PCP4: variants seen among roughly 807,000 people sequenced by gnomAD.
PCP4 encodes the protein Purkinje cell protein 4, also known as calmodulin regulator protein PCP4.
PCP4 carries 8 observed loss-of-function variants against 10.0 expected under a neutral mutation model. The observed-to-expected ratio is 0.80, with a 90% CI of 0.47 to 1.45. The LOEUF (loss-of-function observed/expected upper bound fraction) is 1.45, where lower values mean the gene tolerates loss of function less well. Ranked by LOEUF, PCP4 falls within the 40% of genes most tolerant of loss-of-function variation. PCP4 has a pLI of 0.00. For synonymous variants in PCP4, 21 were observed against 23.0 expected, an observed-to-expected ratio of 0.91 and a Z score of 0.24; for missense variants, 54 against 74.4, an observed-to-expected ratio of 0.73 and a Z score of 1.01.
chr21:39,912,085 A>G (rs1403597163), intron 2 of PCP4, among the ~76,000 whole-genome samples: 1 of 152,214 alleles, frequency 6.6e-6, no homozygotes, highest in Non-Finnish European at 1.5e-5. Flanking sequence ...TGCAATCTCT[A>G]ATAGACTGAT....
At position 39,906,058 on chromosome 21, in the gene PCP4, C is replaced by A. The variant is rs1218211678; in HGVS notation, c.61+7531C>A. Among the ~76,000 whole-genome samples, 1 of 152,122 alleles carries A rather than the reference C, an allele frequency of 6.6e-6. No homozygotes were observed. The highest frequency in any genetic ancestry group is 1.5e-5 in the Non-Finnish European group (1 of 68,012). ...GAGCGAGACTCCGTCTCAAAATGCT[C>A]CCCCATGCTGTCTTCCCTTTGATGT... On this transcript the variant is annotated intron_variant, in intron 2 of 2. Transcript: ENST00000328619. The surrounding 1 kb of genome is among the most constrained non-coding windows in gnomAD (Gnocchi z 6.3).
intron 1 of PCP4, among the ~76,000 whole-genome samples, chr21:39,867,999 A>G (rs1423892847): frequency 6.6e-6 from 1 of 152,222 alleles, no homozygotes; most frequent in Non-Finnish European, 1.5e-5. Flanking sequence ...TCAGAGCACC[A>G]GGGAAAGAAA....
At chr21:39,916,528 A>G (rs7276594) in intron 2 of PCP4, among the ~76,000 whole-genome samples, 139,014 of 152,138 alleles carry the variant, frequency 0.91, 63,774 homozygotes, top group African/African-American at 0.98. Flanking sequence ...CTCAACCATT[A>G]TTCAACCATT....
intron 1 of PCP4, among the ~76,000 whole-genome samples, chr21:39,869,575 C>G (rs530931647): frequency 6.6e-6 from 1 of 152,340 alleles, no homozygotes; most frequent in South Asian, 2.1e-4. Flanking sequence ...TCTTCTCCCC[C>G]TCACATCACA....
chr21:39,927,878 C>T (rs1437206363), intron 2 of PCP4, among the ~76,000 whole-genome samples: 1 of 152,130 alleles, frequency 6.6e-6, no homozygotes, highest in Non-Finnish European at 1.5e-5. Context: ...ATCCATCTTG[C>T]TCTTAGGAGC....
chr21:39,913,071 A>G (rs954603726), intron 2 of PCP4, among the ~76,000 whole-genome samples: 42 of 152,314 alleles, frequency 2.8e-4, no homozygotes, highest in African/African-American at 8.9e-4. Context: ...TACTTAGTCT[A>G]GAATGCCACA....
At chr21:39,919,879 C>T (rs188279297) in intron 2 of PCP4, among the ~76,000 whole-genome samples, 7 of 136,270 alleles carry the variant, frequency 5.1e-5, no homozygotes, top group South Asian at 2.5e-4. Flanking sequence ...TGTATGAGTG[C>T]GTGTGGTGAG....
chr21:39,927,148 C>A (rs1338327119), intron 2 of PCP4, among the ~76,000 whole-genome samples: 1 of 152,120 alleles, frequency 6.6e-6, no homozygotes, highest in Non-Finnish European at 1.5e-5. Flanking sequence ...TGATTAGGAT[C>A]TAGGAAAATT....
intron 1 of PCP4, among the ~76,000 whole-genome samples, chr21:39,880,155 T>TATCTA (rs2087367271): frequency 7.0e-6 from 1 of 142,098 alleles, no homozygotes; most frequent in African/African-American, 3.1e-5. Context: ...TCTATATCTA[T>TATCTA]ATCTATATCT....
intron 2 of PCP4, among the ~76,000 whole-genome samples, chr21:39,907,847 C>A (rs2087520325): frequency 6.6e-6 from 1 of 152,032 alleles, no homozygotes; most frequent in East Asian, 1.9e-4. Context: ...ACTTTCCCAG[C>A]CAAAACTACA....
intron 2 of PCP4, among the ~76,000 whole-genome samples, chr21:39,924,833 C>T (rs1400280645): frequency 6.6e-6 from 1 of 152,230 alleles, no homozygotes; most frequent in Non-Finnish European, 1.5e-5. Flanking sequence ...CCACACCTGG[C>T]CCCGGGTTTT....
intron 1 of PCP4, among the ~76,000 whole-genome samples, chr21:39,887,358 T>A (rs1220860879): frequency 1.1e-5 from 1 of 89,782 alleles, no homozygotes. Flanking sequence ...GTTTTTTGGT[T>A]TTTTTTTTTT....
intron 2 of PCP4, among the ~76,000 whole-genome samples, chr21:39,905,111 A>G (rs1016206059): frequency 7.9e-5 from 12 of 152,224 alleles, no homozygotes; most frequent in African/African-American, 1.2e-4. Context: ...AATCCACCAT[A>G]GTGAGAGATA....
chr21:39,911,679 A>G (rs1450178192), intron 2 of PCP4, among the ~76,000 whole-genome samples: 6 of 152,242 alleles, frequency 3.9e-5, no homozygotes, highest in African/African-American at 1.4e-4. Context: ...CCCCATGGCA[A>G]TGGGATACTG....
intron 2 of PCP4, among the ~76,000 whole-genome samples, chr21:39,915,060 A>G (rs529916867): frequency 1.3e-5 from 2 of 152,278 alleles, no homozygotes; most frequent in African/African-American, 2.4e-5. Context: ...GCTCACATCA[A>G]TTTCCTGTGT....
chr21:39,878,403 C>T (rs16998773), intron 1 of PCP4, among the ~76,000 whole-genome samples: 5,564 of 152,292 alleles, frequency 0.037, 346 homozygotes, highest in African/African-American at 0.13. Context: ...TAGCAATCTT[C>T]AAGCTCATTG....
At chr21:39,918,588 T>C (rs541101790) in intron 2 of PCP4, among the ~76,000 whole-genome samples, 8 of 152,356 alleles carry the variant, frequency 5.3e-5, no homozygotes, top group African/African-American at 1.9e-4. Flanking sequence ...AATGGAAAGC[T>C]AGAAGAAATG....
intron 2 of PCP4, among the ~76,000 whole-genome samples, chr21:39,910,515 G>GCCAGGCCATGAGAAATGGT (rs1218751691): frequency 6.6e-6 from 1 of 152,068 alleles, no homozygotes; most frequent in Non-Finnish European, 1.5e-5. Flanking sequence ...TTGAAAATGG[G>GCCAGGCCATGAGAAATGGT]CCAGGCCATG....
At chr21:39,886,794 T>C (rs974600105) in intron 1 of PCP4, among the ~76,000 whole-genome samples, 1 of 152,210 alleles carries the variant, frequency 6.6e-6, no homozygotes, top group African/African-American at 2.4e-5. Context: ...ATTATATATA[T>C]GGCATGTGGT....
Sources: allele counts gnomAD v4.1 joint callset (sites outside exome capture counted in the v4.1 genomes callset), GRCh38; gene constraint gnomAD v4.1.1; non-coding constraint Gnocchi (gnomAD v3.1); transcripts MANE v1.5; gene names NCBI Gene and HGNC (gene_info 2026-07-23, HGNC 2026-07-21).